RAB11FIP4: variants seen among roughly 807,000 people sequenced by gnomAD.
RAB11FIP4 encodes the protein RAB11 family interacting protein 4, also known as rab11 family-interacting protein 4.
RAB11FIP4 carries 23 observed loss-of-function variants against 74.3 expected under a neutral mutation model. That is an observed-to-expected ratio of 0.31 (90% CI 0.22 to 0.44). The LOEUF is 0.44. RAB11FIP4 is among the 20% of genes least tolerant of loss of function. The probability of loss-of-function intolerance (pLI) is 1.00; values close to 1 mark genes in which losing one functional copy is unlikely to be tolerated. For missense variants in RAB11FIP4, 630 were observed against 863.9 expected (o/e 0.73, Z 3.39); for synonymous variants, 360 against 359.9 (o/e 1.00, Z 0.00).
chr17:31,414,014 C>T (rs1467810647), intron 1 of RAB11FIP4, among the ~76,000 whole-genome samples: 3 of 152,242 alleles, frequency 2.0e-5, no homozygotes, highest in Non-Finnish European at 4.4e-5. Flanking sequence ...CCTATGAAAG[C>T]CTCATTTATC....
intron 3 of RAB11FIP4, among the ~76,000 whole-genome samples, chr17:31,513,004 A>C (rs900342956): frequency 6.6e-6 from 1 of 152,072 alleles, no homozygotes; most frequent in Non-Finnish European, 1.5e-5. Flanking sequence ...CCAGCCCTCC[A>C]GAGCCAGGCT....
chr17:31,507,424 T>G lies in RAB11FIP4; in HGVS notation c.337-10227T>G, dbSNP rs150972381. Among the ~76,000 whole-genome samples, 99 of 152,346 alleles carry G rather than the reference T, an allele frequency of 6.5e-4. 1 individual carries two copies. The South Asian group carries it at 8.3e-3, about 13-fold the overall frequency. On this transcript the variant is annotated intron_variant, in intron 3 of 14. Transcript: ENST00000621161. ...AGGTGGTATCTCATTGTGGTTTTGA[T>G]TTGTGTTTCCCTGATGATTAGTGAT...
intron 3 of RAB11FIP4, among the ~76,000 whole-genome samples, chr17:31,515,623 A>G: frequency 6.6e-6 from 1 of 151,982 alleles, no homozygotes; most frequent in Non-Finnish European, 1.5e-5. Flanking sequence ...GGCTTTTCAC[A>G]GCCTGTTTCT....
chr17:31,480,991 T>C (rs915368309), intron 3 of RAB11FIP4, among the ~76,000 whole-genome samples: 7 of 152,162 alleles, frequency 4.6e-5, no homozygotes, highest in African/African-American at 1.7e-4. Context: ...TGATCAAGGC[T>C]GTGTCTACAA....
At chr17:31,498,493 C>G (rs1014553946) in intron 3 of RAB11FIP4, among the ~76,000 whole-genome samples, 3 of 152,184 alleles carry the variant, frequency 2.0e-5, no homozygotes, top group Non-Finnish European at 4.4e-5. Flanking sequence ...GCAGGAGGCC[C>G]TGCAGGGTTG....
chr17:31,535,006 T>C lies in RAB11FIP4; in HGVS notation c.*3274T>C, dbSNP rs1597993349. 6.5e-6 allele frequency: 1 copy of C among 154,172 alleles called. No homozygotes were observed. 9.6% of individuals were successfully genotyped at this position (154,172 alleles called of 1,614,324 possible). A position where few individuals can be genotyped will look rare whatever the true frequency, so the allele number is the denominator to read the frequency against. On this transcript the variant is annotated 3_prime_UTR_variant, in exon 15 of 15. Transcript: ENST00000621161. ...TTAAGAAACTTCTAGTAAAAATGTT[T>C]TTTTCTTTTAGCTTTGAATTGGCCA...
chr17:31,500,160 T>C (rs2072191110), intron 3 of RAB11FIP4, among the ~76,000 whole-genome samples: 1 of 152,122 alleles, frequency 6.6e-6, no homozygotes, highest in South Asian at 2.1e-4. Context: ...CATCCAGGAC[T>C]TGGTTAAAAG....
chr17:31,528,350 C>T, intron 11 of RAB11FIP4, 56 bp from the exon 12 acceptor site: 1 of 1,579,586 alleles, frequency 6.3e-7, no homozygotes, highest in Non-Finnish European at 8.6e-7. Context: ...CACCCCTGGA[C>T]ATAGTGAGCC....
At chr17:31,502,696 C>A (rs2072244980) in intron 3 of RAB11FIP4, among the ~76,000 whole-genome samples, 8 of 152,136 alleles carry the variant, frequency 5.3e-5, no homozygotes, top group Admixed American at 5.2e-4. Context: ...TTCCATGAAG[C>A]CTTCCTAGGG....
intron 3 of RAB11FIP4, among the ~76,000 whole-genome samples, chr17:31,504,488 G>T (rs2072280667): frequency 6.6e-6 from 1 of 152,070 alleles, no homozygotes; most frequent in South Asian, 2.1e-4. Flanking sequence ...GGATGGTCTT[G>T]AACTCCTGAC....
At chr17:31,413,847 T>C (rs2071122528) in intron 1 of RAB11FIP4, among the ~76,000 whole-genome samples, 2 of 152,236 alleles carry the variant, frequency 1.3e-5, no homozygotes, top group African/African-American at 4.8e-5. Flanking sequence ...AAGAGTTTCA[T>C]TGAGTTTTTT....
intron 3 of RAB11FIP4, among the ~76,000 whole-genome samples, chr17:31,494,508 G>A (rs1333400094): frequency 6.6e-6 from 1 of 152,132 alleles, no homozygotes; most frequent in Non-Finnish European, 1.5e-5. Context: ...TGTCTTGCCG[G>A]GGAGTGTCAT....
At chr17:31,476,881 G>A (rs11867423) in intron 3 of RAB11FIP4, among the ~76,000 whole-genome samples, 30,376 of 152,186 alleles carry the variant, frequency 0.2, 3,412 homozygotes, top group African/African-American at 0.3. Flanking sequence ...AGCCCTGGCA[G>A]GGGAGGCACA....
chr17:31,491,604 G>A (rs1374819458), intron 3 of RAB11FIP4, among the ~76,000 whole-genome samples: 1 of 152,198 alleles, frequency 6.6e-6, no homozygotes, highest in Admixed American at 6.5e-5. Context: ...TGCTATGTCT[G>A]TCCACAGAAC....
At chr17:31,431,190 G>A (rs764388598) in intron 1 of RAB11FIP4, among the ~76,000 whole-genome samples, 3 of 152,172 alleles carry the variant, frequency 2.0e-5, no homozygotes, top group Admixed American at 6.5e-5. Flanking sequence ...CACTAACAAC[G>A]TGGGTTGTAC....
In RAB11FIP4 at chr17:31,537,554, C is replaced by G. The variant is rs1353478742; in HGVS notation, c.*5822C>G. The stretch of plus-strand genomic sequence containing the variant: ...CTTTAACCTGGGGCATTGGCCCCAG[C>G]AGGGATATCATGGGACCGCAGCCGC... On this transcript the variant is annotated 3_prime_UTR_variant, in exon 15 of 15. Coordinates refer to ENST00000621161, the MANE Select transcript of RAB11FIP4 (RefSeq NM_032932.6). The G allele has an allele frequency of 2.9e-5, 6 of 204,616 alleles. No homozygotes were observed. The highest frequency in any genetic ancestry group is 3.9e-5 in the Non-Finnish European group (4 of 102,224). The allele number at this position is 204,616 out of a possible 1,614,324, so 12.7% of individuals were successfully genotyped here.
intron 3 of RAB11FIP4, among the ~76,000 whole-genome samples, chr17:31,506,548 T>C (rs749891544): frequency 4.3e-4 from 65 of 152,326 alleles, no homozygotes; most frequent in Non-Finnish European, 8.1e-4. Context: ...TCCCTTCTCC[T>C]ACCCTCTCCA....
intron 13 of RAB11FIP4, 33 bp from the exon 14 acceptor site, chr17:31,530,293 G>C: frequency 6.2e-7 from 1 of 1,611,046 alleles, no homozygotes; most frequent in South Asian, 1.1e-5. Context: ...ATGCCTCTTG[G>C]GGTTGATGTC....
rs983893052 is a variant in RAB11FIP4 at position 31,530,382 on chromosome 17, C to T, written c.1710C>T (p.Leu570=). ...NDDLNGQILS[L]SLYEAKNLFA... is the part of the protein sequence containing the mutation. ...ACTTGAATGGGCAGATTTTGAGCCT[C>T]AGCCTCTACGAAGCAAAAAACCTCT... Residue 570 remains leucine, a synonymous_variant, in exon 14 of 15, where the codon CTC becomes CTT. Coordinates refer to ENST00000621161, the MANE Select transcript of RAB11FIP4 (RefSeq NM_032932.6). The T allele has an allele frequency of 3.1e-6, 5 of 1,614,054 alleles. No individual in the cohort carries two copies. The highest frequency in any genetic ancestry group is 4.2e-6 in the Non-Finnish European group (5 of 1,180,034).
Sources: gnomAD v4.1 joint callset for allele counts (sites outside exome capture counted in the v4.1 genomes callset) on GRCh38, gnomAD v4.1.1 for gene constraint, MANE v1.5 for transcripts, NCBI Gene and HGNC (gene_info 2026-07-23, HGNC 2026-07-21) for gene names.